PIWIL1: variants seen among roughly 807,000 people sequenced by gnomAD.
The protein encoded by PIWIL1 is piwi like RNA-mediated gene silencing 1, also known as piwi-like protein 1.
In PIWIL1, 73 loss-of-function variants were observed where a neutral mutation model predicts 114.4. The ratio of observed to expected loss-of-function variants is 0.64; its 90% confidence interval spans 0.53 to 0.78. The LOEUF (loss-of-function observed/expected upper bound fraction) is 0.78, where lower values mean the gene tolerates loss of function less well. PIWIL1 is among the 30% of genes least tolerant of loss of function. The pLI is 0.00. For missense variants in PIWIL1, 723 were observed against 1,063.1 expected (o/e 0.68, Z 4.45); for synonymous variants, 375 against 369.0 (o/e 1.02, Z -0.19).
chr12:130,346,293 G>A (rs2073066575), intron 4 of PIWIL1, 77 bp from the exon 5 acceptor site: 2 of 1,114,176 alleles, frequency 1.8e-6, no homozygotes, highest in Non-Finnish European at 1.3e-6. Flanking sequence ...AACTGTGCCT[G>A]CCTTGTCATG....
At chr12:130,409,807 G>C in the PIWIL1 span, among the ~76,000 whole-genome samples, 14 of 152,198 alleles carry the variant, frequency 9.2e-5, no homozygotes, top group Non-Finnish European at 1.2e-4. Context: ...CACCTGAGTT[G>C]TTTCCAGATT....
chr12:130,382,992 T>A, the PIWIL1 span, among the ~76,000 whole-genome samples: 1 of 152,242 alleles, frequency 6.6e-6, no homozygotes, highest in South Asian at 2.1e-4. Flanking sequence ...GTTTCTCAAC[T>A]TAGGTGTAAA....
Position 130,342,996 on chromosome 12 carries a change from C to A in PIWIL1, c.85C>A (p.Gln29Lys), listed in dbSNP as rs1427336925. 6.2e-7 allele frequency: 1 copy of A among 1,613,202 alleles called. No individual in the cohort carries two copies. Among genetic ancestry groups the A allele is most frequent in the Admixed American group, 1.7e-5 (1 of 60,016 alleles). The change falls in exon 3 of 21, where the codon CAA becomes AAA. Residue 29 changes from glutamine (Q) to lysine (K), a missense_variant. This residue lies in a region of PIWIL1 where 91 missense variants were observed against 76.2 expected (regional missense o/e 1.19). Transcript: ENST00000245255. ...TATTTGCATGTAACTACAGAGTCAG[C>A]AACCTGGTTATATTCAGCCTAGGCC... ...AQLVGSTASQQPGYIQPRPQP... is the reference protein window; with the variant it reads ...AQLVGSTASQKPGYIQPRPQP...
At chr12:130,405,926 A>G in the PIWIL1 span, among the ~76,000 whole-genome samples, 1 of 152,218 alleles carries the variant, frequency 6.6e-6, no homozygotes, top group African/African-American at 2.4e-5. Context: ...TGTTTTGTTT[A>G]CAGTGCATAT....
intron 19 of PIWIL1, among the ~76,000 whole-genome samples, chr12:130,368,026 G>C (rs2073716301): frequency 6.6e-6 from 1 of 152,138 alleles, no homozygotes; most frequent in Admixed American, 6.5e-5. Context: ...TCAAACTCCT[G>C]GCCTCAAGTG....
Position 130,346,249 on chromosome 12 carries a change from ATGT to A in PIWIL1, c.317-117_317-115del, listed in dbSNP as rs1164833812. 1.7e-5 allele frequency: 12 copies of A among 698,548 alleles called. No individual in the cohort carries two copies. The African/African-American group carries it at 2.1e-4, about 13-fold the overall frequency. The allele number at this position is 698,548 out of a possible 1,614,324, so 43.3% of individuals were successfully genotyped here. The stretch of plus-strand genomic sequence containing the variant: ...CAAAGTCAGATGTCTGAGGACTTTC[ATGT>A]TGTCTGCTGCTCTTAGCCTTGTGTT... On this transcript the variant is annotated intron_variant, in intron 4 of 20. Coordinates refer to ENST00000245255, the MANE Select transcript of PIWIL1 (RefSeq NM_004764.5).
chr12:130,342,884 A>T lies in PIWIL1; in HGVS notation c.79-106A>T, dbSNP rs2072963567. On this transcript the variant is annotated intron_variant, in intron 2 of 20. Transcript: ENST00000245255. ...TTTAAGAATAAAATATTTGATTATT[A>T]ATTTAGATAGGTGTTGGTTGAATTC... is the stretch of plus-strand genomic sequence containing the variant. 18 of 780,672 alleles carry T rather than the reference A, an allele frequency of 2.3e-5. 1 individual carries two copies. In the South Asian group the frequency reaches 2.9e-4, roughly 13 times the overall value. 48.4% of individuals were successfully genotyped at this position (780,672 alleles called of 1,614,324 possible).
chr12:130,368,311 G>A (rs1565957205), intron 19 of PIWIL1, among the ~76,000 whole-genome samples: 1 of 152,168 alleles, frequency 6.6e-6, no homozygotes, highest in Non-Finnish European at 1.5e-5. Context: ...GTCTCGGCCT[G>A]TGTGCAAAGT....
At chr12:130,384,407 G>T in the PIWIL1 span, among the ~76,000 whole-genome samples, 1 of 152,238 alleles carries the variant, frequency 6.6e-6, no homozygotes, top group Non-Finnish European at 1.5e-5. Flanking sequence ...TGTTGCCAGT[G>T]AGTTGAGATC....
chr12:130,405,459 C>T, the PIWIL1 span, among the ~76,000 whole-genome samples: 8 of 152,264 alleles, frequency 5.3e-5, no homozygotes, highest in Middle Eastern at 3.4e-3. Context: ...GGTGGGGACC[C>T]CCACTGGGCT....
the PIWIL1 span, chr12:130,424,975 G>T: frequency 1.9e-6 from 1 of 528,380 alleles, no homozygotes; most frequent in Non-Finnish European, 2.9e-6. The surrounding 1 kb of genome is among the most constrained non-coding windows in gnomAD (Gnocchi z 9.8). Flanking sequence ...ACCGAGGGGG[G>T]GGAAGCATGC....
rs1022196707 is a variant in PIWIL1 at position 130,337,934 on chromosome 12, G to A, written c.-225G>A. 3.1e-5 allele frequency: 5 copies of A among 161,232 alleles called. No individual in the cohort carries two copies. Among genetic ancestry groups the A allele is most frequent in the South Asian group, 1.7e-4 (1 of 5,974 alleles). The allele number at this position is 161,232 out of a possible 1,614,324, so 10.0% of individuals were successfully genotyped here. A position where few individuals can be genotyped will look rare whatever the true frequency, so the allele number is the denominator to read the frequency against. On this transcript the variant is annotated 5_prime_UTR_variant, in exon 1 of 21. Transcript: ENST00000245255. ...GACACGAGGCCGGCGCCCGGGAGGC[G>A]GTGTTCATCCGCCCGGGAAAAGAGC... is the stretch of plus-strand genomic sequence containing the variant.
At chr12:130,393,134 G>A in the PIWIL1 span, among the ~76,000 whole-genome samples, 9 of 151,422 alleles carry the variant, frequency 5.9e-5, no homozygotes, top group African/African-American at 1.9e-4. Flanking sequence ...ATTGAATGTT[G>A]TGATGACCCG....
intron 8 of PIWIL1, 117 bp downstream of exon 8, chr12:130,349,553 C>T (rs1383620490): frequency 1.1e-5 from 8 of 708,862 alleles, no homozygotes; most frequent in Non-Finnish European, 1.9e-5. Flanking sequence ...TAGCACAAAA[C>T]AAGGGTGAGG....
intron 20 of PIWIL1, 29 bp downstream of exon 20, chr12:130,371,352 C>T: frequency 6.2e-7 from 1 of 1,613,632 alleles, no homozygotes; most frequent in Non-Finnish European, 8.5e-7. Flanking sequence ...TGATGTTTAG[C>T]AAATAAAGGA....
the PIWIL1 span, chr12:130,397,347 C>T: frequency 2.0e-5 from 8 of 398,770 alleles, no homozygotes; most frequent in African/African-American, 4.1e-5. Flanking sequence ...GGCAGTTGTC[C>T]GGAAGCACAT....
chr12:130,410,946 G>C, the PIWIL1 span, among the ~76,000 whole-genome samples: 1 of 152,074 alleles, frequency 6.6e-6, no homozygotes, highest in Non-Finnish European at 1.5e-5. Flanking sequence ...GGCTCACTTG[G>C]GGCAGCTGAC....
chr12:130,377,447 G>A (rs1304658071), downstream of PIWIL1, among the ~76,000 whole-genome samples: 1 of 152,198 alleles, frequency 6.6e-6, no homozygotes, highest in Non-Finnish European at 1.5e-5. Flanking sequence ...CTCAGCTGGA[G>A]ACCTGGACGT....
At chr12:130,338,434 C>G (rs1593073892) in intron 1 of PIWIL1, among the ~76,000 whole-genome samples, 2 of 39,648 alleles carry the variant, frequency 5.0e-5, no homozygotes, top group Admixed American at 2.3e-4. Flanking sequence ...GGGCGAGGTC[C>G]CAGGTGCGGG....
Sources: allele counts gnomAD v4.1 joint callset (sites outside exome capture counted in the v4.1 genomes callset), GRCh38; gene constraint gnomAD v4.1.1; regional missense constraint gnomAD v4.1.1; non-coding constraint Gnocchi (gnomAD v3.1); transcripts MANE v1.5; gene names NCBI Gene and HGNC (gene_info 2026-07-23, HGNC 2026-07-21).